GPC5: variants seen among roughly 807,000 people sequenced by gnomAD.
GPC5 encodes glypican 5.
Under a neutral mutation model 53.9 loss-of-function variants are expected in GPC5, and 47 were observed. That is an observed-to-expected ratio of 0.87 (90% CI 0.69 to 1.11). The LOEUF is 1.11. GPC5 is among the 50% of genes most tolerant of loss of function. The pLI is 0.00. For missense variants in GPC5, 748 were observed against 713.1 expected, an observed-to-expected ratio of 1.05 and a Z score of -0.56; for synonymous variants, 286 against 263.3, an observed-to-expected ratio of 1.09 and a Z score of -0.84.
intron 3 of GPC5, among the ~76,000 whole-genome samples, chr13:91,694,675 A>T (rs342679): frequency 0.24 from 36,782 of 152,130 alleles, 6,254 homozygotes; most frequent in African/African-American, 0.48. Flanking sequence ...TACTAAACAT[A>T]TTCCCCTGAA....
At chr13:92,172,700 C>T (rs1035922180) in intron 7 of GPC5, among the ~76,000 whole-genome samples, 5 of 152,012 alleles carry the variant, frequency 3.3e-5, no homozygotes, top group African/African-American at 9.7e-5. Context: ...AAGGAGAGTT[C>T]TTCTCATTAC....
At chr13:91,850,208 TA>T (rs1193655805) in intron 5 of GPC5, among the ~76,000 whole-genome samples, 1 of 152,178 alleles carries the variant, frequency 6.6e-6, no homozygotes, top group Non-Finnish European at 1.5e-5. Flanking sequence ...TAGCTGATGA[TA>T]ATTAGTATCA....
At chr13:91,747,190 A>G (rs1260070709) in intron 4 of GPC5, among the ~76,000 whole-genome samples, 2 of 152,360 alleles carry the variant, frequency 1.3e-5, no homozygotes, top group South Asian at 4.1e-4. Flanking sequence ...TTATAACAGT[A>G]TAGCCAGTTG....
At chr13:91,621,093 C>T (rs764324354) in intron 2 of GPC5, among the ~76,000 whole-genome samples, 2 of 152,022 alleles carry the variant, frequency 1.3e-5, no homozygotes, top group African/African-American at 4.8e-5. Context: ...GGAGATAGTC[C>T]AGATCTCTCT....
At chr13:91,591,904 C>G (rs920535641) in intron 2 of GPC5, among the ~76,000 whole-genome samples, 92 of 152,272 alleles carry the variant, frequency 6.0e-4, no homozygotes, top group Middle Eastern at 3.4e-3. Flanking sequence ...TATGAGCTTC[C>G]TTGCCATTCA....
intron 7 of GPC5, among the ~76,000 whole-genome samples, chr13:92,519,535 A>G (rs1340264730): frequency 6.6e-6 from 1 of 152,260 alleles, no homozygotes; most frequent in East Asian, 1.9e-4. Flanking sequence ...ACTACTGGGT[A>G]CATAATGAAA....
chr13:92,780,048 G>C (rs948200496), intron 7 of GPC5, among the ~76,000 whole-genome samples: 1 of 151,932 alleles, frequency 6.6e-6, no homozygotes, highest in Non-Finnish European at 1.5e-5. Context: ...TCTACCACAG[G>C]TAGATTAATT....
chr13:92,106,043 T>C (rs2041506913), intron 6 of GPC5, among the ~76,000 whole-genome samples: 1 of 152,076 alleles, frequency 6.6e-6, no homozygotes, highest in Non-Finnish European at 1.5e-5. Flanking sequence ...CAGTGATTCA[T>C]TCCTTTTCAT....
In GPC5 at chr13:92,185,369, A is replaced by C. The variant is rs143814691; in HGVS notation, c.1561+40380A>C. Among the ~76,000 whole-genome samples, 18 of 152,274 alleles carry C rather than the reference A, an allele frequency of 1.2e-4. No homozygotes were observed. The East Asian group carries it at 2.7e-3, about 23-fold the overall frequency. ...ATCACTTACCTGATCTCCAGCTCAA[A>C]ATATTAATATGAATTCTCTTAAACT... is the stretch of plus-strand genomic sequence containing the variant. On this transcript the variant is annotated intron_variant, in intron 7 of 7. Coordinates refer to ENST00000377067, the MANE Select transcript of GPC5 (RefSeq NM_004466.6).
intron 7 of GPC5, among the ~76,000 whole-genome samples, chr13:92,815,410 T>C (rs1315862839): frequency 3.3e-5 from 5 of 151,848 alleles, no homozygotes; most frequent in Non-Finnish European, 7.4e-5. Flanking sequence ...GGCAAGAAAG[T>C]TTTTTGTATT....
In GPC5 at chr13:92,866,341, A is replaced by G. The variant is rs571308256; in HGVS notation, c.1621A>G (p.Ser541Gly). ...VKQIHQTDTG[S>G]TLDTTGAGCA... ...GCAAATCCATCAAACAGACACTGGC[A>G]GTACTTTAGACACAACAGGAGCAGG... is the stretch of plus-strand genomic sequence containing the variant. Residue 541 changes from serine (S) to glycine (G), a missense_variant, in exon 8 of 8, where the codon AGT (serine) becomes GGT (glycine). Transcript: ENST00000377067. The G allele has an allele frequency of 1.9e-6, 3 of 1,613,080 alleles. No homozygotes were observed. The highest frequency in any genetic ancestry group is 1.3e-5 in the African/African-American group (1 of 74,980).
chr13:92,410,637 A>C (rs1876000538), intron 7 of GPC5, among the ~76,000 whole-genome samples: 1 of 152,226 alleles, frequency 6.6e-6, no homozygotes, highest in Non-Finnish European at 1.5e-5. Flanking sequence ...ACGATGATTG[A>C]GAACTGTTGT....
rs554978891 is a variant in GPC5 at position 92,432,447 on chromosome 13, G to A, written c.1561+287458G>A. On this transcript the variant is annotated intron_variant, in intron 7 of 7. Coordinates refer to ENST00000377067, the MANE Select transcript of GPC5 (RefSeq NM_004466.6). The stretch of plus-strand genomic sequence containing the variant: ...GCTCACTGCAAGCTCCGCCTCCTGG[G>A]TTCATGCCTTTCTCCTGCCTCAACC... Among the ~76,000 whole-genome samples the A allele has an allele frequency of 9.5e-5, 14 of 147,274 alleles. No individual in the cohort carries two copies. In the Admixed American group the frequency reaches 9.6e-4, roughly 10 times the overall value.
chr13:92,724,907 CACACAA>C (rs1435611806), intron 7 of GPC5, among the ~76,000 whole-genome samples: 44 of 149,988 alleles, frequency 2.9e-4, no homozygotes, highest in Middle Eastern at 6.8e-3. Flanking sequence ...CACACACACA[CACACAA>C]GAAAGAAAAA....
At chr13:92,405,305 A>T (rs1411369538) in intron 7 of GPC5, among the ~76,000 whole-genome samples, 1 of 152,162 alleles carries the variant, frequency 6.6e-6, no homozygotes, top group Admixed American at 6.5e-5. Flanking sequence ...TAAAGTGCAC[A>T]TCTTTGGAAT....
intron 6 of GPC5, among the ~76,000 whole-genome samples, chr13:91,975,314 A>G (rs1473891859): frequency 6.6e-6 from 1 of 152,216 alleles, no homozygotes; most frequent in Non-Finnish European, 1.5e-5. Context: ...AAAAGAAACT[A>G]CCGTCAGAGT....
At chr13:92,295,763 A>G (rs971225101) in intron 7 of GPC5, among the ~76,000 whole-genome samples, 1 of 152,200 alleles carries the variant, frequency 6.6e-6, no homozygotes, top group Non-Finnish European at 1.5e-5. Context: ...TTTGTCTGAC[A>G]TAAGAATAGC....
intron 7 of GPC5, among the ~76,000 whole-genome samples, chr13:92,669,174 T>C (rs1886667701): frequency 6.6e-6 from 1 of 152,060 alleles, no homozygotes; most frequent in Admixed American, 6.6e-5. Flanking sequence ...TATGCAGGGG[T>C]TTCATTTCTG....
At chr13:92,323,300 C>T (rs1339795047) in intron 7 of GPC5, among the ~76,000 whole-genome samples, 2 of 149,416 alleles carry the variant, frequency 1.3e-5, no homozygotes, top group Admixed American at 6.7e-5. Flanking sequence ...AAAATACATA[C>T]ATATACAACG....
Sources: allele counts gnomAD v4.1 joint callset (sites outside exome capture counted in the v4.1 genomes callset), GRCh38; gene constraint gnomAD v4.1.1; transcripts MANE v1.5; gene names NCBI Gene and HGNC (gene_info 2026-07-23, HGNC 2026-07-21).